The following SASH1 variants were observed in gnomAD, a reference collection of about 807,000 sequenced individuals.
SASH1 encodes SAM and SH3 domain-containing protein 1.
Under a neutral mutation model 125.2 loss-of-function variants are expected in SASH1, and 44 were observed. The observed-to-expected ratio is 0.35, with a 90% confidence interval of 0.28 to 0.45. The LOEUF (loss-of-function observed/expected upper bound fraction) is 0.45. Among genes scored for constraint, SASH1 ranks in the 20% least tolerant of loss-of-function variants. SASH1 has a pLI of 1.00. For synonymous variants in SASH1, 639 were observed against 649.1 expected (o/e 0.98, Z 0.24); for missense variants, 1,426 against 1,614.5 (o/e 0.88, Z 2.00).
At chr6:148,288,695 A>G (rs1582920068) in intron 1 of SASH1, among the ~76,000 whole-genome samples, 1 of 44,516 alleles carries the variant, frequency 2.2e-5, no homozygotes, top group Non-Finnish European at 4.5e-5. Flanking sequence ...GTATGTACAC[A>G]CACACACACA....
At chr6:148,461,985 G>T (rs1274371338) in intron 4 of SASH1, among the ~76,000 whole-genome samples, 1 of 151,986 alleles carries the variant, frequency 6.6e-6, no homozygotes, top group Admixed American at 6.6e-5. Flanking sequence ...ACCTTCCCCT[G>T]CCTCCCCCTG....
At chr6:148,373,741 G>A (rs191683921) in intron 1 of SASH1, among the ~76,000 whole-genome samples, 3 of 144,928 alleles carry the variant, frequency 2.1e-5, no homozygotes, top group Non-Finnish European at 3.0e-5. Context: ...AGGCCAAGGT[G>A]GGGGGGATCA....
At chr6:148,548,167 T>C (rs1290653375) in intron 19 of SASH1, 128 bp from the exon 20 acceptor site, 2 of 802,712 alleles carry the variant, frequency 2.5e-6, no homozygotes, top group African/African-American at 1.7e-5. Flanking sequence ...CTGACACTCA[T>C]TGCATTGTCG....
chr6:148,515,067 G>A (rs1395273058), intron 9 of SASH1, among the ~76,000 whole-genome samples: 1 of 152,146 alleles, frequency 6.6e-6, no homozygotes. Context: ...TTATTGAAAT[G>A]GATAGTTAGC....
chr6:148,352,780 C>T (rs1348202581), intron 1 of SASH1, among the ~76,000 whole-genome samples: 1 of 151,848 alleles, frequency 6.6e-6, no homozygotes, highest in Admixed American at 6.6e-5. Context: ...ACCGGCCTGG[C>T]CAACATGGCG....
chr6:148,391,018 T>G (rs1783693148), intron 2 of SASH1, among the ~76,000 whole-genome samples: 1 of 151,662 alleles, frequency 6.6e-6, no homozygotes, highest in South Asian at 2.1e-4. Flanking sequence ...GTCCCTCACC[T>G]AGCAATAATC....
intron 4 of SASH1, among the ~76,000 whole-genome samples, chr6:148,443,976 CAG>C (rs1222068472): frequency 6.6e-6 from 1 of 152,188 alleles, no homozygotes; most frequent in East Asian, 1.9e-4. Flanking sequence ...CATTCTGCGT[CAG>C]AGTGGTGTTC....
intron 2 of SASH1, among the ~76,000 whole-genome samples, chr6:148,433,497 C>T (rs1051926580): frequency 4.6e-5 from 7 of 150,782 alleles, no homozygotes; most frequent in Admixed American, 1.3e-4. Flanking sequence ...ACCCCTGCCT[C>T]CCAGTTCAAG....
intron 4 of SASH1, among the ~76,000 whole-genome samples, chr6:148,455,723 G>A (rs1777308589): frequency 6.6e-6 from 1 of 152,218 alleles, no homozygotes; most frequent in Admixed American, 6.5e-5. Flanking sequence ...TGAATTAGAA[G>A]TGGGGCAGGG....
the SASH1 span, among the ~76,000 whole-genome samples, chr6:148,240,329 T>G: frequency 6.6e-6 from 1 of 152,138 alleles, no homozygotes; most frequent in Non-Finnish European, 1.5e-5. Flanking sequence ...AAATTCAAAT[T>G]CTCACTGTTT....
Position 148,548,483 on chromosome 6 carries a change from A to G in SASH1, c.3669A>G (p.Thr1223=), listed in dbSNP as rs1364578697. 1.2e-6 allele frequency: 2 copies of G among 1,614,218 alleles called. No homozygotes were observed. The highest frequency in any genetic ancestry group is 1.1e-5 in the South Asian group (1 of 91,082). ...CTTGCCTTCAGGAGGCCGGCATCAC[A>G]GAGGAGAGACACATAAGAAAGCTCC... ...SHTCLQEAGI[T]EERHIRKLLS... Residue 1223 remains threonine, a synonymous_variant, in exon 20 of 20, where the codon ACA becomes ACG. Coordinates refer to ENST00000367467, the MANE Select transcript of SASH1 (RefSeq NM_015278.5).
chr6:148,479,944 T>G (rs1384795783), intron 7 of SASH1: 1 of 155,358 alleles, frequency 6.4e-6, no homozygotes, highest in Non-Finnish European at 1.4e-5. Flanking sequence ...CATCCTCAAC[T>G]ACTGGTGCCT....
At chr6:148,368,770 G>GCACGCACACACACACATACACA (rs1554245333) in intron 1 of SASH1, among the ~76,000 whole-genome samples, 1 of 135,644 alleles carries the variant, frequency 7.4e-6, no homozygotes, top group Admixed American at 7.5e-5. Flanking sequence ...GCACGCGCGC[G>GCACGCACACACACACATACACA]CACACACACA....
chr6:148,218,150 T>G, the SASH1 span, among the ~76,000 whole-genome samples: 1 of 152,084 alleles, frequency 6.6e-6, no homozygotes, highest in Non-Finnish European at 1.5e-5. Context: ...AAGAGGGCAC[T>G]GCATACACTC....
intron 9 of SASH1, among the ~76,000 whole-genome samples, chr6:148,518,471 T>G (rs971655142): frequency 6.6e-6 from 1 of 152,182 alleles, no homozygotes. Flanking sequence ...CTGCCGTTCT[T>G]TTCCCCTCTG....
At chr6:148,217,441 T>C in the SASH1 span, among the ~76,000 whole-genome samples, 1 of 152,350 alleles carries the variant, frequency 6.6e-6, no homozygotes. Context: ...TACCATGTTA[T>C]CACTTTCCAT....
chr6:148,416,496 G>A (rs1784823670), intron 2 of SASH1, among the ~76,000 whole-genome samples: 1 of 152,194 alleles, frequency 6.6e-6, no homozygotes, highest in Non-Finnish European at 1.5e-5. Context: ...GCAGCGTGGA[G>A]CACCATGTGT....
intron 4 of SASH1, among the ~76,000 whole-genome samples, chr6:148,445,066 A>G (rs1386502310): frequency 6.6e-6 from 1 of 152,172 alleles, no homozygotes; most frequent in African/African-American, 2.4e-5. Flanking sequence ...TTGGTGTGCT[A>G]TTGCATTATA....
At chr6:148,399,949 T>G (rs1203307040) in intron 2 of SASH1, among the ~76,000 whole-genome samples, 1 of 152,244 alleles carries the variant, frequency 6.6e-6, no homozygotes, top group East Asian at 1.9e-4. Flanking sequence ...TCTTTACATT[T>G]AACAATTATA....
Sources: gnomAD v4.1 joint callset for allele counts (sites outside exome capture counted in the v4.1 genomes callset) on GRCh38, gnomAD v4.1.1 for gene constraint, MANE v1.5 for transcripts, NCBI Gene and HGNC (gene_info 2026-07-23, HGNC 2026-07-21) for gene names.